The following MTHFS variants were observed in gnomAD, a reference collection of about 807,000 sequenced individuals.
MTHFS encodes methenyltetrahydrofolate synthetase, also known as 5-formyltetrahydrofolate cyclo-ligase.
In MTHFS, 7 loss-of-function variants were observed where a neutral mutation model predicts 12.7. The ratio of observed to expected loss-of-function variants is 0.55; its 90% CI spans 0.31 to 1.03. The LOEUF (loss-of-function observed/expected upper bound fraction) is 1.03. Ranked by LOEUF, MTHFS falls within the 50% of genes least tolerant of loss-of-function variation. The pLI is 0.05. For synonymous variants in MTHFS, 100 were observed against 97.1 expected (o/e 1.03, Z -0.18); for missense variants, 252 against 258.1 (o/e 0.98, Z 0.16).
At chr15:79,846,383 AC>A (rs1221222085) in intron 2 of MTHFS, among the ~76,000 whole-genome samples, 1 of 152,156 alleles carries the variant, frequency 6.6e-6, no homozygotes, top group East Asian at 1.9e-4. Flanking sequence ...TTTCTGGGTG[AC>A]CTATAGCTTA....
At chr15:79,889,473 A>AAAAAAAAAAAAAAAAAC in intron 1 of MTHFS, 119 bp from the exon 2 acceptor site, 1 of 1,225,216 alleles carries the variant, frequency 8.2e-7, no homozygotes, top group Non-Finnish European at 1.1e-6. Flanking sequence ...AAGAAAAAAA[A>AAAAAAAAAAAAAAAAAC]AGGGGGGGGG....
At chr15:79,873,175 A>T (rs948592953) in intron 2 of MTHFS, among the ~76,000 whole-genome samples, 1 of 152,156 alleles carries the variant, frequency 6.6e-6, no homozygotes, top group African/African-American at 2.4e-5. Context: ...GCCAGGCTCC[A>T]GCTATAGATA....
intron 2 of MTHFS, 73 bp from the exon 3 acceptor site, chr15:79,845,515 T>C: frequency 6.5e-7 from 1 of 1,535,504 alleles, no homozygotes; most frequent in Non-Finnish European, 8.8e-7. Flanking sequence ...GTTTTTTGTT[T>C]TGTAATGACA....
chr15:79,881,091 C>G (rs2034288635), intron 2 of MTHFS, among the ~76,000 whole-genome samples: 1 of 152,072 alleles, frequency 6.6e-6, no homozygotes, highest in African/African-American at 2.4e-5. Flanking sequence ...TCTGCCCTTC[C>G]TCTGAATTAA....
chr15:79,897,157 T>G, upstream of MTHFS: 1 of 572,394 alleles, frequency 1.7e-6, no homozygotes, highest in Non-Finnish European at 2.8e-6. Context: ...CGCCGCGCGC[T>G]TACCTCGCCT....
At chr15:79,863,677 T>A (rs2033955925) in intron 2 of MTHFS, among the ~76,000 whole-genome samples, 1 of 152,204 alleles carries the variant, frequency 6.6e-6, no homozygotes, top group Admixed American at 6.5e-5. Flanking sequence ...AGGTGAAGGA[T>A]GCTCTTTTTC....
chr15:79,878,079 A>T (rs2034231732), intron 2 of MTHFS: 1 of 152,146 alleles, frequency 6.6e-6, no homozygotes, highest in African/African-American at 2.4e-5. Context: ...AGAACACTGG[A>T]AACAGTAAGT....
chr15:79,873,799 A>T (rs2034144530), intron 2 of MTHFS, among the ~76,000 whole-genome samples: 1 of 152,220 alleles, frequency 6.6e-6, no homozygotes, highest in South Asian at 2.1e-4. Flanking sequence ...TTTGTGAGCT[A>T]AACATAGGAA....
intron 2 of MTHFS, among the ~76,000 whole-genome samples, chr15:79,852,219 C>T (rs1392589003): frequency 3.3e-5 from 5 of 152,178 alleles, no homozygotes. Flanking sequence ...ATGTTTTGAA[C>T]TCATTATGAT....
At chr15:79,867,087 G>A (rs1183411093) in intron 2 of MTHFS, among the ~76,000 whole-genome samples, 1 of 151,944 alleles carries the variant, frequency 6.6e-6, no homozygotes, top group African/African-American at 2.4e-5. Flanking sequence ...CCATTCTCCA[G>A]CCTCCCCTAA....
At chr15:79,864,892 A>C (rs2033982508) in intron 2 of MTHFS, among the ~76,000 whole-genome samples, 1 of 152,214 alleles carries the variant, frequency 6.6e-6, no homozygotes, top group East Asian at 1.9e-4. Flanking sequence ...GGCAGATGGA[A>C]TAGAGAATAT....
At chr15:79,870,038 A>C (rs2034076515) in intron 2 of MTHFS, among the ~76,000 whole-genome samples, 1 of 152,236 alleles carries the variant, frequency 6.6e-6, no homozygotes, top group Non-Finnish European at 1.5e-5. Flanking sequence ...AGGATGAAAG[A>C]GATGACTAAA....
At chr15:79,861,559 T>G (rs941198472) in intron 2 of MTHFS, among the ~76,000 whole-genome samples, 2 of 152,212 alleles carry the variant, frequency 1.3e-5, no homozygotes, top group Admixed American at 6.5e-5. Context: ...CTATAAAAAT[T>G]TAGAATTCAT....
At chr15:79,849,674 C>T (rs551308322) in intron 2 of MTHFS, among the ~76,000 whole-genome samples, 1 of 152,382 alleles carries the variant, frequency 6.6e-6, no homozygotes, top group African/African-American at 2.4e-5. Context: ...TCATTAATAG[C>T]GTCCACTGAC....
At chr15:79,895,862 G>A (rs932542952) in intron 1 of MTHFS, among the ~76,000 whole-genome samples, 2 of 152,172 alleles carry the variant, frequency 1.3e-5, no homozygotes, top group African/African-American at 4.8e-5. Context: ...CAAATATCTG[G>A]TGTCTCTGAA....
chr15:79,897,167 T>A, upstream of MTHFS: 1 of 543,384 alleles, frequency 1.8e-6, no homozygotes, highest in Non-Finnish European at 3.0e-6. Flanking sequence ...TTACCTCGCC[T>A]CTGGCCCTTG....
intron 2 of MTHFS, among the ~76,000 whole-genome samples, chr15:79,853,941 T>C (rs2033757580): frequency 6.6e-6 from 1 of 152,248 alleles, no homozygotes; most frequent in Admixed American, 6.5e-5. Context: ...GACACTGTGC[T>C]AAGCTCTTTG....
intron 1 of MTHFS, among the ~76,000 whole-genome samples, chr15:79,893,188 A>C (rs1476067507): frequency 6.6e-6 from 1 of 151,762 alleles, no homozygotes; most frequent in African/African-American, 2.4e-5. Flanking sequence ...GTGGATCATG[A>C]GGTCAGGAGT....
At chr15:79,865,391 G>A (rs1429430758) in intron 2 of MTHFS, among the ~76,000 whole-genome samples, 3 of 152,128 alleles carry the variant, frequency 2.0e-5, no homozygotes, top group Non-Finnish European at 4.4e-5. Flanking sequence ...GAAACTTCGA[G>A]GTATTTCTGC....
Sources: allele counts gnomAD v4.1 joint callset (sites outside exome capture counted in the v4.1 genomes callset), GRCh38; gene constraint gnomAD v4.1.1; transcripts MANE v1.5; gene names NCBI Gene and HGNC (gene_info 2026-07-23, HGNC 2026-07-21).